The following NRP1 variants were observed in gnomAD, a reference collection of about 807,000 sequenced individuals.
The protein encoded by NRP1 is neuropilin 1.
NRP1 carries 35 observed loss-of-function variants against 106.7 expected under a neutral mutation model. The observed-to-expected ratio is 0.33, with a 90% CI of 0.25 to 0.43. The LOEUF (loss-of-function observed/expected upper bound fraction) is 0.43. Ranked by LOEUF, NRP1 falls within the 20% of genes least tolerant of loss-of-function variation. The pLI is 1.00. For synonymous variants in NRP1, 437 were observed against 417.9 expected (o/e 1.05, Z -0.56); for missense variants, 1,024 against 1,170.4 (o/e 0.87, Z 1.83).
chr10:33,257,589 C>T (rs1230390402), intron 4 of NRP1, among the ~76,000 whole-genome samples: 1 of 152,168 alleles, frequency 6.6e-6, no homozygotes, highest in African/African-American at 2.4e-5. Flanking sequence ...TGCACCACTG[C>T]ACTCCAGCCT....
chr10:33,186,509 G>C (rs748137926), intron 13 of NRP1, 21 bp from the exon 14 acceptor site: 1 of 1,588,678 alleles, frequency 6.3e-7, no homozygotes, highest in African/African-American at 1.3e-5. Flanking sequence ...AAAGAACTGT[G>C]TTAGGGAGAG....
rs964511414 is a variant in NRP1 at position 33,281,142 on chromosome 10, A to G, written c.249-10286T>C. Among the ~76,000 whole-genome samples, 4 of 151,634 alleles carry G rather than the reference A, an allele frequency of 2.6e-5. No homozygotes were observed. The South Asian group carries it at 8.4e-4, about 32-fold the overall frequency. ...TTGGCTTACTGCAACCTCTGCCTACAAGGTTCAAGCGATTCTCCTGCCTCA... is the reference window on the plus strand; with the variant it reads ...TTGGCTTACTGCAACCTCTGCCTACGAGGTTCAAGCGATTCTCCTGCCTCA... On this transcript the variant is annotated intron_variant, in intron 2 of 16. Transcript: ENST00000374867.
intron 3 of NRP1, among the ~76,000 whole-genome samples, chr10:33,267,306 G>A (rs1842988810): frequency 6.6e-6 from 1 of 152,164 alleles, no homozygotes; most frequent in South Asian, 2.1e-4. Context: ...ATACAACACA[G>A]GAGATGAGCA....
intron 13 of NRP1, among the ~76,000 whole-genome samples, chr10:33,190,926 TCACTGCAGCCTTGAACTCCTAGGC>T (rs1836363359): frequency 2.0e-5 from 3 of 152,228 alleles, no homozygotes; most frequent in Admixed American, 2.0e-4. Context: ...TGATCATAGG[TCACTGCAGCCTTGAACTCCTAGGC>T]TCAAAGGATC....
At chr10:33,297,261 T>C (rs1845454515) in intron 2 of NRP1, among the ~76,000 whole-genome samples, 1 of 152,214 alleles carries the variant, frequency 6.6e-6, no homozygotes, top group Non-Finnish European at 1.5e-5. Flanking sequence ...TTGGTAGTTT[T>C]TCTCCAAGGA....
intron 2 of NRP1, among the ~76,000 whole-genome samples, chr10:33,299,492 C>T (rs1052732818): frequency 2.0e-5 from 3 of 152,130 alleles, no homozygotes; most frequent in African/African-American, 7.2e-5. Context: ...AAATTTGTTA[C>T]AGGTGACAGG....
chr10:33,262,558 C>T (rs1481597668), intron 4 of NRP1, among the ~76,000 whole-genome samples: 1 of 151,998 alleles, frequency 6.6e-6, no homozygotes, highest in Non-Finnish European at 1.5e-5. Context: ...CAAAAATTAG[C>T]TGAGTGTGGT....
intron 2 of NRP1, among the ~76,000 whole-genome samples, chr10:33,285,330 G>T (rs1339994927): frequency 1.3e-5 from 2 of 152,188 alleles, no homozygotes; most frequent in South Asian, 2.1e-4. Flanking sequence ...GCATTTTATA[G>T]ATGGAAAAAC....
At chr10:33,265,269 T>C (rs576124309) in intron 3 of NRP1, among the ~76,000 whole-genome samples, 2 of 152,356 alleles carry the variant, frequency 1.3e-5, no homozygotes, top group South Asian at 4.1e-4. Context: ...GAGAAGTCTT[T>C]ATCCTTTTGA....
chr10:33,296,239 C>T (rs1001721016), intron 2 of NRP1, among the ~76,000 whole-genome samples: 56 of 152,178 alleles, frequency 3.7e-4, no homozygotes, highest in African/African-American at 1.4e-3. Flanking sequence ...CAGCTCCATC[C>T]TCGGGCCTTT....
intron 8 of NRP1, 89 bp from the exon 9 acceptor site, chr10:33,213,806 A>G (rs926735228): frequency 1.1e-5 from 11 of 1,012,012 alleles, no homozygotes; most frequent in African/African-American, 1.6e-5. Context: ...GAATAAAGAC[A>G]TGATTTTGTA....
chr10:33,230,017 G>C (rs1200030790), intron 6 of NRP1, among the ~76,000 whole-genome samples: 1 of 152,088 alleles, frequency 6.6e-6, no homozygotes, highest in Non-Finnish European at 1.5e-5. Context: ...AAAGTGATTA[G>C]GACTGGGGCT....
At chr10:33,245,613 C>G (rs544893248) in intron 6 of NRP1, among the ~76,000 whole-genome samples, 4 of 152,202 alleles carry the variant, frequency 2.6e-5, no homozygotes, top group Admixed American at 2.6e-4. Context: ...GACTCAAATC[C>G]ATTTTCATCT....
chr10:33,253,908 G>A (rs192619558), intron 6 of NRP1, 120 bp downstream of exon 6: 12 of 819,684 alleles, frequency 1.5e-5, no homozygotes, highest in East Asian at 1.0e-4. Context: ...TATACCTGAT[G>A]GCCGTGAACC....
At chr10:33,267,674 A>T (rs1473413471) in intron 3 of NRP1, among the ~76,000 whole-genome samples, 1 of 151,770 alleles carries the variant, frequency 6.6e-6, no homozygotes, top group South Asian at 2.1e-4. Context: ...CAAGGGAAGG[A>T]TGGGAACAGA....
In NRP1 at chr10:33,261,999, G is replaced by A. The variant is rs147029119; in HGVS notation, c.658+1647C>T. 1.6e-3 allele frequency among the ~76,000 whole-genome samples: 249 copies of A among 152,300 alleles called. 1 individual carries two copies. Among genetic ancestry groups the A allele is most frequent in the African/African-American group, 4.4e-3 (184 of 41,566 alleles). On this transcript the variant is annotated intron_variant, in intron 4 of 16. Transcript: ENST00000374867. ...GATCCACCTGCCTTGGCCTCCCAAA[G>A]TGTTGGGATTACAGGTAGGAGCCAC...
chr10:33,214,596 T>C (rs1197597796), intron 8 of NRP1, among the ~76,000 whole-genome samples: 1 of 152,174 alleles, frequency 6.6e-6, no homozygotes, highest in Non-Finnish European at 1.5e-5. Flanking sequence ...AGACCCCACT[T>C]TGAATCTCCA....
chr10:33,292,478 G>A (rs191813677), intron 2 of NRP1, among the ~76,000 whole-genome samples: 69 of 152,128 alleles, frequency 4.5e-4, no homozygotes, highest in African/African-American at 1.6e-3. Flanking sequence ...GTGTTCTGAT[G>A]GTCTTGGTTC....
At chr10:33,288,742 C>T (rs1844768960) in intron 2 of NRP1, 1 of 152,160 alleles carries the variant, frequency 6.6e-6, no homozygotes, top group South Asian at 2.1e-4. Context: ...TCAAAGCCCA[C>T]CCAAGGTTCA....
Sources: allele counts gnomAD v4.1 joint callset (sites outside exome capture counted in the v4.1 genomes callset), GRCh38; gene constraint gnomAD v4.1.1; transcripts MANE v1.5; gene names NCBI Gene and HGNC (gene_info 2026-07-23, HGNC 2026-07-21).